Variants in USP38 observed in about 807,000 individuals in gnomAD.
USP38 encodes ubiquitin specific peptidase 38.
In USP38, 49 loss-of-function variants were observed where a neutral mutation model predicts 94.3. That is an observed-to-expected ratio of 0.52 (90% confidence interval 0.41 to 0.66). USP38 has a LOEUF of 0.66. Among genes scored for constraint, USP38 ranks in the 30% least tolerant of loss-of-function variants. The pLI is 0.00. For synonymous variants in USP38, 468 were observed against 463.6 expected (o/e 1.01, Z -0.12); for missense variants, 1,128 against 1,229.4 (o/e 0.92, Z 1.23).
Position 143,206,187 on chromosome 4 carries a change from A to G in USP38, c.1364A>G (p.Tyr455Cys), listed in dbSNP as rs1332791798. 1.2e-6 allele frequency: 2 copies of G among 1,612,956 alleles called. No individual in the cohort carries two copies. The highest frequency in any genetic ancestry group is 1.7e-6 in the Non-Finnish European group (2 of 1,179,654). ...CTTATTAACCTAGGAAATACATGTT[A>G]TATGAACAGTGTTATACAAGCCTTG... is the stretch of plus-strand genomic sequence containing the variant. ...TGLINLGNTCYMNSVIQALFM... is the reference protein window; with the variant it reads ...TGLINLGNTCCMNSVIQALFM... The change falls in exon 6 of 10, where the codon TAT becomes TGT. Residue 455 changes from tyrosine to cysteine, a missense_variant. By Grantham distance (194) the Tyr-to-Cys change is radical. Coordinates refer to ENST00000307017, the MANE Select transcript of USP38 (RefSeq NM_032557.6).
At position 143,184,959 on chromosome 4, in the gene USP38, C is replaced by T. The variant is rs551927178; in HGVS notation, c.-492C>T. On this transcript the variant is annotated 5_prime_UTR_variant, in exon 1 of 10. Transcript: ENST00000307017. ...AAAGGGTGTCGCTTCGGTCTCTTCT[C>T]CCCGGCTGATCCCAGCACTCTCCGT... The T allele has an allele frequency of 1.3e-5, 2 of 154,066 alleles. No individual in the cohort carries two copies. Among genetic ancestry groups the T allele is most frequent in the South Asian group, 2.0e-4 (1 of 5,062 alleles). 9.5% of individuals were successfully genotyped at this position (154,066 alleles called of 1,614,324 possible).
chr4:143,185,819 C>T lies in USP38; in HGVS notation c.369C>T (p.Leu123=). 1 of 1,614,222 alleles carries T rather than the reference C, an allele frequency of 6.2e-7. No homozygotes were observed. Among genetic ancestry groups the T allele is most frequent in the Non-Finnish European group, 8.5e-7 (1 of 1,180,048 alleles). ...TGAGCTGTCCGTCGGTGCTGGATCT[C>T]TTTAGCCTCCTGCAGGTAGAGGTGT... is the stretch of plus-strand genomic sequence containing the variant. ...LIMSCPSVLD[L]FSLLQVEVLR... The change falls in exon 1 of 10, where the codon CTC becomes CTT. Residue 123 remains leucine, a synonymous_variant. Transcript: ENST00000307017.
Position 143,220,435 on chromosome 4 carries a change from A to G in USP38, c.3108A>G (p.Thr1036=). ...TGGGGGGGFN[T]VGRLVF ...GAGGGGGTGGAGGAGGATTTAATAC[A>G]GTTGGCAGACTCGTATTTTGATCCT... is the stretch of plus-strand genomic sequence containing the variant. Residue 1036 remains threonine, a synonymous_variant, in exon 10 of 10, where the codon ACA becomes ACG. Coordinates refer to ENST00000307017, the MANE Select transcript of USP38 (RefSeq NM_032557.6). 1.2e-6 allele frequency: 2 copies of G among 1,612,368 alleles called. No individual in the cohort carries two copies. Among genetic ancestry groups the G allele is most frequent in the Non-Finnish European group, 1.7e-6 (2 of 1,179,108 alleles).
rs1256041206 is a variant in USP38, at chr4:143,222,173, C to G, written c.*1717C>G. 6.6e-6 allele frequency: 1 copy of G among 152,028 alleles called. No homozygotes were observed. The highest frequency in any genetic ancestry group is 2.4e-5 in the African/African-American group (1 of 41,448). 9.4% of individuals were successfully genotyped at this position (152,028 alleles called of 1,614,324 possible). On this transcript the variant is annotated 3_prime_UTR_variant, in exon 10 of 10. Transcript: ENST00000307017. ...GGGCTAAGATGCTTCTAGGAACTTTCATAAAAGCAATTATACTTGTGCAGC... is the reference window on the plus strand; with the variant it reads ...GGGCTAAGATGCTTCTAGGAACTTTGATAAAAGCAATTATACTTGTGCAGC...
intron 6 of USP38, among the ~76,000 whole-genome samples, chr4:143,209,022 C>G (rs1731952344): frequency 7.2e-6 from 1 of 138,370 alleles, no homozygotes; most frequent in South Asian, 2.3e-4. Flanking sequence ...ACGCTCTATT[C>G]TTTAAATGAC....
intron 6 of USP38, among the ~76,000 whole-genome samples, chr4:143,208,813 G>A (rs550431877): frequency 1.1e-3 from 165 of 151,618 alleles, no homozygotes; most frequent in Middle Eastern, 0.01. Context: ...GTAGCATCTG[G>A]ACTTTTAAAA....
chr4:143,214,743 T>C lies in USP38; in HGVS notation c.2767T>C (p.Phe923Leu), dbSNP rs1732135653. The stretch of plus-strand genomic sequence containing the variant: ...TTTATTTAATGACAGTAGAGTGACA[T>C]TTACTTCATTTCAGTCAGTCCAGAA... ...WFLFNDSRVTFTSFQSVQKIT... is the reference protein window; with the variant it reads ...WFLFNDSRVTLTSFQSVQKIT... Residue 923 changes from phenylalanine to leucine, a missense_variant, in exon 9 of 10, where the codon TTT becomes CTT. Physicochemically the swap from Phe to Leu is conservative, Grantham distance 22. Coordinates refer to ENST00000307017, the MANE Select transcript of USP38 (RefSeq NM_032557.6). 6.2e-7 allele frequency: 1 copy of C among 1,613,616 alleles called. No homozygotes were observed. Among genetic ancestry groups the C allele is most frequent in the Non-Finnish European group, 8.5e-7 (1 of 1,179,808 alleles).
chr4:143,189,539 G>T (rs1035729208), intron 2 of USP38, among the ~76,000 whole-genome samples: 1 of 151,984 alleles, frequency 6.6e-6, no homozygotes, highest in Non-Finnish European at 1.5e-5. Flanking sequence ...AAACTCTGGG[G>T]ACTTTGATTT....
chr4:143,212,813 TAA>T (rs1278554993), intron 8 of USP38, among the ~76,000 whole-genome samples: 1 of 152,176 alleles, frequency 6.6e-6, no homozygotes, highest in Non-Finnish European at 1.5e-5. Context: ...GCCAGATACT[TAA>T]AATATTTGCA....
chr4:143,198,018 C>T, intron 4 of USP38, 94 bp downstream of exon 4: 1 of 771,268 alleles, frequency 1.3e-6, no homozygotes, highest in Non-Finnish European at 2.1e-6. Flanking sequence ...GAAAATATTG[C>T]AAGTTAGTCC....
At chr4:143,190,810 A>G (rs1254343635) in intron 2 of USP38, among the ~76,000 whole-genome samples, 1 of 151,886 alleles carries the variant, frequency 6.6e-6, no homozygotes, top group Non-Finnish European at 1.5e-5. Flanking sequence ...AACCATGTGG[A>G]CTCCTGATTT....
intron 2 of USP38, among the ~76,000 whole-genome samples, chr4:143,190,040 AT>A (rs1731350801): frequency 1.3e-5 from 2 of 151,934 alleles, no homozygotes; most frequent in Admixed American, 6.6e-5. Context: ...AGAAACTGTT[AT>A]CTTGTTCATC....
intron 9 of USP38, chr4:143,215,623 AC>A (rs1188878715): frequency 1.3e-5 from 2 of 152,058 alleles, no homozygotes; most frequent in Admixed American, 6.6e-5. Context: ...TTCTCAACAT[AC>A]AGGGCTAGCA....
intron 2 of USP38, among the ~76,000 whole-genome samples, 174 bp from the exon 3 acceptor site, chr4:143,195,542 C>T (rs1407439553): frequency 6.6e-6 from 1 of 152,192 alleles, no homozygotes; most frequent in Non-Finnish European, 1.5e-5. Flanking sequence ...ATTGGAAATT[C>T]CATGAGAACA....
chr4:143,196,218 A>C (rs1731544110), intron 3 of USP38, among the ~76,000 whole-genome samples: 1 of 152,192 alleles, frequency 6.6e-6, no homozygotes, highest in Non-Finnish European at 1.5e-5. Flanking sequence ...AGGCACGAGA[A>C]TGACTTGAAT....
intron 9 of USP38, among the ~76,000 whole-genome samples, chr4:143,218,438 TA>T (rs1373066164): frequency 2.0e-5 from 3 of 152,088 alleles, no homozygotes; most frequent in Non-Finnish European, 4.4e-5. Flanking sequence ...TTACCTGTAT[TA>T]AGTAAAATAA....
At chr4:143,187,147 C>T (rs980806475) in intron 1 of USP38, among the ~76,000 whole-genome samples, 1 of 151,994 alleles carries the variant, frequency 6.6e-6, no homozygotes, top group Admixed American at 6.5e-5. Context: ...TGTTAGGTTC[C>T]TCCCAAATTT....
intron 2 of USP38, among the ~76,000 whole-genome samples, chr4:143,189,292 TA>T (rs996775945): frequency 6.6e-6 from 1 of 152,082 alleles, no homozygotes; most frequent in Non-Finnish European, 1.5e-5. Context: ...TTTCAATGAC[TA>T]TTTTTTTCTA....
In USP38 at chr4:143,203,048, A is replaced by G. The variant is rs1731760949; in HGVS notation, c.1051-360A>G. Among the ~76,000 whole-genome samples the G allele has an allele frequency of 2.0e-5, 3 of 152,134 alleles. No homozygotes were observed. In the South Asian group the frequency reaches 6.2e-4, roughly 31 times the overall value. On this transcript the variant is annotated intron_variant, in intron 4 of 9. Transcript: ENST00000307017. ...TTAGCTAATTCCAGGATTATTTTTC[A>G]AAAGTTTATTCCCATTGAATGACCT... is the stretch of plus-strand genomic sequence containing the variant.
Sources: gnomAD v4.1 joint callset for allele counts (sites outside exome capture counted in the v4.1 genomes callset) on GRCh38, gnomAD v4.1.1 for gene constraint, MANE v1.5 for transcripts, NCBI Gene and HGNC (gene_info 2026-07-23, HGNC 2026-07-21) for gene names.